ATF7: variants seen among roughly 807,000 people sequenced by gnomAD.
The protein encoded by ATF7 is cyclic AMP-dependent transcription factor ATF-7.
A neutral mutation model predicts 50.4 loss-of-function variants in ATF7; 10 were observed. That is an observed-to-expected ratio of 0.20 (90% CI 0.12 to 0.34). The LOEUF (loss-of-function observed/expected upper bound fraction) is 0.34, where lower values mean the gene tolerates loss of function less well. Ranked by LOEUF, ATF7 falls within the 10% of genes least tolerant of loss-of-function variation. The pLI, the probability that ATF7 is intolerant of heterozygous loss-of-function variation, is 1.00. For synonymous variants in ATF7, 201 were observed against 226.4 expected, an observed-to-expected ratio of 0.89 and a Z score of 1.01; for missense variants, 465 against 613.9, an observed-to-expected ratio of 0.76 and a Z score of 2.56.
intron 2 of ATF7, among the ~76,000 whole-genome samples, chr12:53,562,513 C>T (rs1055265039): frequency 4.0e-5 from 6 of 151,834 alleles, no homozygotes; most frequent in African/African-American, 1.2e-4. Context: ...TGTGGTGGTA[C>T]GCACCTGTAA....
At chr12:53,544,473 G>A (rs1321668330) in intron 3 of ATF7, among the ~76,000 whole-genome samples, 10 of 152,100 alleles carry the variant, frequency 6.6e-5, no homozygotes, top group African/African-American at 2.2e-4. Flanking sequence ...TTGGCTGGGC[G>A]CAGTGGCTCA....
At chr12:53,557,200 G>C (rs1565951106) in intron 2 of ATF7, among the ~76,000 whole-genome samples, 2 of 152,062 alleles carry the variant, frequency 1.3e-5, no homozygotes, top group Admixed American at 6.6e-5. Context: ...TCCCTTATTT[G>C]TTTGTTTTCT....
chr12:53,595,813 C>T lies in ATF7; in HGVS notation c.48+5140G>A, dbSNP rs556429660. ...GGCCTTAGAAAGGAAAAGCAGGCCC[C>T]AGAGGTCTATGAGTTAGTTATATGT... is the stretch of plus-strand genomic sequence containing the variant. On this transcript the variant is annotated intron_variant, in intron 2 of 11. Coordinates refer to ENST00000420353, the MANE Select transcript of ATF7 (RefSeq NM_006856.3). Among the ~76,000 whole-genome samples, 5 of 152,224 alleles carry T rather than the reference C, an allele frequency of 3.3e-5. No homozygotes were observed. The South Asian group carries it at 1.0e-3, about 32-fold the overall frequency.
At chr12:53,568,557 G>A (rs762360087) in intron 2 of ATF7, among the ~76,000 whole-genome samples, 6 of 152,172 alleles carry the variant, frequency 3.9e-5, no homozygotes, top group Non-Finnish European at 7.3e-5. Context: ...AATAGGCAAC[G>A]ATAAAGGCTC....
At chr12:53,563,573 T>G (rs901980567) in intron 2 of ATF7, among the ~76,000 whole-genome samples, 6 of 152,170 alleles carry the variant, frequency 3.9e-5, no homozygotes, top group African/African-American at 1.2e-4. Context: ...GCCAAGATTG[T>G]GCCATCGCAC....
At chr12:53,580,267 CA>C (rs546068667) in intron 2 of ATF7, among the ~76,000 whole-genome samples, 6,367 of 106,430 alleles carry the variant, frequency 0.06, 354 homozygotes, top group African/African-American at 0.17. Flanking sequence ...AAATTACTGC[CA>C]AAAAAAAAAA....
intron 2 of ATF7, among the ~76,000 whole-genome samples, chr12:53,573,374 T>C (rs137877977): frequency 7.7e-4 from 117 of 152,316 alleles, no homozygotes; most frequent in African/African-American, 2.7e-3. Flanking sequence ...AGTATTTGCA[T>C]ATAAAATGTG....
downstream of ATF7, among the ~76,000 whole-genome samples, chr12:53,509,605 A>G (rs1353242911): frequency 6.7e-6 from 1 of 150,326 alleles, no homozygotes; most frequent in Non-Finnish European, 1.5e-5. Context: ...TCCCGGGTTC[A>G]GGCGATTCTC....
intron 3 of ATF7, among the ~76,000 whole-genome samples, chr12:53,550,286 T>C (rs1187986984): frequency 2.7e-5 from 4 of 146,378 alleles, no homozygotes; most frequent in Non-Finnish European, 5.9e-5. Context: ...ATTACGCCAC[T>C]GCACTCCAGT....
At chr12:53,567,676 A>G (rs182993467) in intron 2 of ATF7, among the ~76,000 whole-genome samples, 2 of 152,348 alleles carry the variant, frequency 1.3e-5, no homozygotes, top group African/African-American at 2.4e-5. Flanking sequence ...GCCTGGTCCT[A>G]TGTCAGTTAC....
At chr12:53,569,420 A>C (rs1191126826) in intron 2 of ATF7, among the ~76,000 whole-genome samples, 1 of 152,144 alleles carries the variant, frequency 6.6e-6, no homozygotes, top group Non-Finnish European at 1.5e-5. Flanking sequence ...GTTCTTCTCT[A>C]CTTTCTCTGG....
At chr12:53,616,337 G>C (rs11834254) in intron 1 of ATF7, among the ~76,000 whole-genome samples, 5,980 of 151,918 alleles carry the variant, frequency 0.039, 359 homozygotes, top group African/African-American at 0.13. Context: ...ATCCTCCCGC[G>C]TTGGCCTCCC....
chr12:53,558,958 C>T (rs1416628051), intron 2 of ATF7, among the ~76,000 whole-genome samples: 1 of 152,082 alleles, frequency 6.6e-6, no homozygotes, highest in African/African-American at 2.4e-5. Context: ...CTCCTCCTCA[C>T]AAACTTACTA....
At chr12:53,600,635 A>G (rs979529378) in intron 2 of ATF7, 4 of 203,948 alleles carry the variant, frequency 2.0e-5, no homozygotes, top group African/African-American at 9.4e-5. Context: ...CCCGGCATGA[A>G]GAGAAAACAT....
At chr12:53,534,398 T>G in intron 6 of ATF7, 104 bp downstream of exon 6, 1 of 1,510,262 alleles carries the variant, frequency 6.6e-7, no homozygotes, top group Admixed American at 1.7e-5. Context: ...TCTCAGTGAC[T>G]TATTTTCCTT....
chr12:53,531,567 A>C (rs994927195), intron 9 of ATF7, among the ~76,000 whole-genome samples, 177 bp downstream of exon 9: 2 of 152,206 alleles, frequency 1.3e-5, no homozygotes, highest in Non-Finnish European at 2.9e-5. Flanking sequence ...AAAATGAATA[A>C]ATAATAAAAA....
chr12:53,549,509 C>A (rs1402049554), intron 3 of ATF7, among the ~76,000 whole-genome samples: 1 of 151,944 alleles, frequency 6.6e-6, no homozygotes, highest in African/African-American at 2.4e-5. Flanking sequence ...GTTCAAGCGA[C>A]TCTCCTGCTT....
intron 2 of ATF7, among the ~76,000 whole-genome samples, chr12:53,558,173 C>A (rs1940865956): frequency 6.6e-6 from 1 of 152,178 alleles, no homozygotes; most frequent in African/African-American, 2.4e-5. Flanking sequence ...TGGTTCTCAA[C>A]CAGAGGTAAC....
At position 53,515,999 on chromosome 12, in the gene ATF7, A is replaced by G. The variant is rs777106062; in HGVS notation, c.*1138T>C. ...TGAGGGGGAGAGATGGGGTAGAACA[A>G]AGGAACTCGAGAGTCCCCTACATGA... On this transcript the variant is annotated 3_prime_UTR_variant, in exon 12 of 12. Transcript: ENST00000420353. The G allele has an allele frequency of 5.3e-5, 8 of 152,304 alleles. No homozygotes were observed. The highest frequency in any genetic ancestry group is 7.3e-5 in the Non-Finnish European group (5 of 68,146). 9.4% of individuals were successfully genotyped at this position (152,304 alleles called of 1,614,324 possible).
Sources: gnomAD v4.1 joint callset for allele counts (sites outside exome capture counted in the v4.1 genomes callset) on GRCh38, gnomAD v4.1.1 for gene constraint, MANE v1.5 for transcripts, NCBI Gene and HGNC (gene_info 2026-07-23, HGNC 2026-07-21) for gene names.